BRPF1: variants seen among roughly 807,000 people sequenced by gnomAD.
BRPF1 encodes bromodomain and PHD finger containing 1.
A neutral mutation model predicts 115.0 loss-of-function variants in BRPF1; 15 were observed. The ratio of observed to expected loss-of-function variants is 0.13; its 90% confidence interval spans 0.09 to 0.20. The LOEUF (loss-of-function observed/expected upper bound fraction) is 0.20. BRPF1 is among the 10% of genes least tolerant of loss of function. The pLI, the probability that BRPF1 is intolerant of heterozygous loss-of-function variation, is 1.00. For missense variants in BRPF1, 1,118 were observed against 1,638.3 expected, an observed-to-expected ratio of 0.68 and a Z score of 5.48; for synonymous variants, 647 against 619.8, an observed-to-expected ratio of 1.04 and a Z score of -0.65.
rs2077097534 is a variant in BRPF1 at position 9,744,949 on chromosome 3, A to G, written c.2921-59A>G. The G allele has an allele frequency of 1.9e-6, 3 of 1,608,810 alleles. No homozygotes were observed. The African/African-American group carries it at 4.0e-5, about 21-fold the overall frequency. On this transcript the variant is annotated intron_variant, in intron 9 of 13. Coordinates refer to ENST00000383829, the MANE Select transcript of BRPF1 (RefSeq NM_001003694.2). Reference sequence around the variant, plus strand: ...TCCAAGTCCCTCTTACCTCCATGTCATCTCTGATCTACATCTTCCTGACCG... The same window carrying G: ...TCCAAGTCCCTCTTACCTCCATGTCGTCTCTGATCTACATCTTCCTGACCG...
At position 9,745,138 on chromosome 3, in the gene BRPF1, T is replaced by C. The variant is rs2125513547; in HGVS notation, c.3051T>C (p.Ala1017=). 1.2e-6 allele frequency: 2 copies of C among 1,614,196 alleles called. No homozygotes were observed. The highest frequency in any genetic ancestry group is 1.7e-6 in the Non-Finnish European group (2 of 1,180,028). ...SESSSSSSSS[A]ASDRTSTTPS... is the part of the protein sequence containing the mutation. Reference sequence around the variant, plus strand: ...CCAGCAGCAGTAGCAGTAGCAGCGCTGCTTCAGACCGGACCAGGTACCAGC... The same window carrying C: ...CCAGCAGCAGTAGCAGTAGCAGCGCCGCTTCAGACCGGACCAGGTACCAGC... Residue 1017 remains alanine, a synonymous_variant, in exon 10 of 14, where the codon GCT becomes GCC. Coordinates refer to ENST00000383829, the MANE Select transcript of BRPF1 (RefSeq NM_001003694.2). This position sits in a 1 kb window ranked among gnomAD's most constrained non-coding sequence, Gnocchi z 5.1.
Position 9,743,750 on chromosome 3 carries a change from G to A in BRPF1, c.2484G>A (p.Lys828=), listed in dbSNP as rs1407364371. 1 of 1,614,188 alleles carries A rather than the reference G, an allele frequency of 6.2e-7. No homozygotes were observed. Among genetic ancestry groups the A allele is most frequent in the Admixed American group, 1.7e-5 (1 of 60,034 alleles). Residue 828 remains lysine (K), a synonymous_variant, in exon 8 of 14, where the codon AAG becomes AAA. Coordinates refer to ENST00000383829, the MANE Select transcript of BRPF1 (RefSeq NM_001003694.2). The surrounding 1 kb of genome is among the most constrained non-coding windows in gnomAD (Gnocchi z 6.1). ...AAGAGATGACGGCACTGCGGCGGAA[G>A]CTTGCCCATCAGCGAGAGACGGGAC... is the stretch of plus-strand genomic sequence containing the variant. ...IKKEMTALRR[K]LAHQRETGRD... is the part of the protein sequence containing the mutation.
chr3:9,734,530 TG>T lies in BRPF1; in HGVS notation c.391del (p.Glu131ArgfsTer83). The T allele has an allele frequency of 6.2e-7, 1 of 1,614,080 alleles. No homozygotes were observed. The highest frequency in any genetic ancestry group is 8.5e-7 in the Non-Finnish European group (1 of 1,180,020). Reference protein sequence around the residue: ...EDEEAPEEAPENGSNKENTET... With the variant: ...EDEEAPEEAPXNGSNKENTET... Reference sequence around the variant, plus strand: ...ATGAGGAAGCCCCCGAGGAGGCCCCTGAGAATGGCAGCAACAAGGAGAACAC... The same window carrying T: ...ATGAGGAAGCCCCCGAGGAGGCCCCTAGAATGGCAGCAACAAGGAGAACAC... On this transcript the variant is annotated frameshift_variant, in exon 2 of 14. Transcript: ENST00000383829. LOFTEE classifies it high-confidence loss of function. The surrounding 1 kb of genome is among the most constrained non-coding windows in gnomAD (Gnocchi z 5.7).
intron 1 of BRPF1, chr3:9,732,701 GAGTTGC>G (rs898829321): frequency 3.3e-5 from 5 of 152,386 alleles, no homozygotes; most frequent in African/African-American, 9.6e-5. Flanking sequence ...GGAAATAGAA[GAGTTGC>G]AGTTGGACGT....
chr3:9,732,537 G>C (rs1575143447), intron 1 of BRPF1: 1 of 152,210 alleles, frequency 6.6e-6, no homozygotes, highest in South Asian at 2.1e-4. Flanking sequence ...CTAAGTTCTC[G>C]TCTCCCTCGC....
At position 9,739,500 on chromosome 3, in the gene BRPF1, C is replaced by G. The variant is rs1346558363; in HGVS notation, c.1101C>G (p.Phe367Leu). 6.2e-7 allele frequency: 1 copy of G among 1,613,828 alleles called. No homozygotes were observed. The highest frequency in any genetic ancestry group is 8.5e-7 in the Non-Finnish European group (1 of 1,179,760). Residue 367 changes from phenylalanine (F) to leucine (L), a missense_variant, in exon 3 of 14, where the codon TTC (phenylalanine) becomes TTG (leucine). Transcript: ENST00000383829. ...IPEVCFANTV[F>L]LEPIDSIEHI... ...AGGTCTGCTTCGCCAACACGGTCTT[C>G]CTAGAGCCTATTGACAGCATTGAGC...
At chr3:9,740,756 A>C in intron 3 of BRPF1, 23 bp from the exon 4 acceptor site, 1 of 1,611,428 alleles carries the variant, frequency 6.2e-7, no homozygotes, top group Non-Finnish European at 8.5e-7. Context: ...AACAAGTTTT[A>C]CTCTTTGTTT....
rs770950731 is a variant in BRPF1 at position 9,743,579 on chromosome 3, A to G, written c.2313A>G (p.Ala771=). Residue 771 remains alanine, a splice_region_variant and synonymous_variant, in exon 8 of 14, where the codon GCA becomes GCG. Coordinates refer to ENST00000383829, the MANE Select transcript of BRPF1 (RefSeq NM_001003694.2). The surrounding 1 kb of genome is among the most constrained non-coding windows in gnomAD (Gnocchi z 6.1). ...GDEATHHTED[A]AEEERLVLLE... ...TTTCCCCTCCAACCCTACCCCTAGC[A>G]GCCGAGGAAGAGCGGCTGGTCTTGC... is the stretch of plus-strand genomic sequence containing the variant. The G allele has an allele frequency of 5.0e-6, 8 of 1,611,412 alleles. No homozygotes were observed. The Admixed American group carries it at 1.2e-4, about 24-fold the overall frequency.
chr3:9,739,323 C>T lies in BRPF1; in HGVS notation c.924C>T (p.Pro308=), dbSNP rs528579713. ...LAVHQECYGV[P]YIPEGQWLCR... ...TGCACCAGGAGTGCTACGGTGTCCC[C>T]TATATCCCTGAGGGCCAGTGGCTGT... The change falls in exon 3 of 14, where the codon CCC becomes CCT. Residue 308 remains proline, a synonymous_variant. Transcript: ENST00000383829. 7.9e-5 allele frequency: 128 copies of T among 1,614,216 alleles called. 1 individual carries two copies. In the South Asian group the frequency reaches 1.3e-3, roughly 16 times the overall value.
chr3:9,747,482 G>A lies in BRPF1; in HGVS notation c.*133G>A. 2 of 1,123,782 alleles carry A rather than the reference G, an allele frequency of 1.8e-6. No homozygotes were observed. The highest frequency in any genetic ancestry group is 1.5e-5 in the South Asian group (1 of 67,404). The allele number at this position is 1,123,782 out of a possible 1,614,324, so 69.6% of individuals were successfully genotyped here. A position where few individuals can be genotyped will look rare whatever the true frequency, so the allele number is the denominator to read the frequency against. ...GGGCCAGTCTCAGGGGAAGCTGGGT[G>A]GGGGAGGTCCCTCCTGCCCTAAGTG... On this transcript the variant is annotated 3_prime_UTR_variant, in exon 14 of 14. Transcript: ENST00000383829. The surrounding 1 kb of genome is among the most constrained non-coding windows in gnomAD (Gnocchi z 5.6).
chr3:9,740,743 C>G, intron 3 of BRPF1, 36 bp from the exon 4 acceptor site: 1 of 1,608,410 alleles, frequency 6.2e-7, no homozygotes, highest in Non-Finnish European at 8.5e-7. Context: ...AGAATCAGGG[C>G]CCAACAAGTT....
In BRPF1 at chr3:9,733,661, T is replaced by C. The variant is rs1344115457; in HGVS notation, c.-10-470T>C. Among the ~76,000 whole-genome samples the C allele has an allele frequency of 2.0e-5, 3 of 152,332 alleles. No individual in the cohort carries two copies. In the East Asian group the frequency reaches 5.8e-4, roughly 29 times the overall value. The stretch of plus-strand genomic sequence containing the variant: ...AGGGCATTCCAAATAGGGATCATTT[T>C]GCAGGAATGAGAGGTTATAACATTC... On this transcript the variant is annotated intron_variant, in intron 1 of 13. Transcript: ENST00000383829.
chr3:9,737,761 G>T (rs1181543128), intron 2 of BRPF1, among the ~76,000 whole-genome samples: 6 of 152,098 alleles, frequency 3.9e-5, no homozygotes, highest in African/African-American at 1.5e-4. Context: ...TTACACCAAG[G>T]TGCTCACACT....
At chr3:9,737,117 C>A (rs1315179803) in intron 2 of BRPF1, among the ~76,000 whole-genome samples, 1 of 152,166 alleles carries the variant, frequency 6.6e-6, no homozygotes, top group Admixed American at 6.5e-5. Context: ...TTGCAGTCAC[C>A]TTGGGGAAGA....
chr3:9,744,476 A>G lies in BRPF1; in HGVS notation c.2888A>G (p.Asp963Gly), dbSNP rs2077088506. Residue 963 changes from aspartate to glycine, a missense_variant, in exon 9 of 14, where the codon GAC (aspartate) becomes GGC (glycine). Coordinates refer to ENST00000383829, the MANE Select transcript of BRPF1 (RefSeq NM_001003694.2). ...SPRPSSSSDS[D>G]SDKSTEDPPM... ...CGGCCCAGTTCGAGCTCAGACAGCG[A>G]CAGTGATAAGTCCACAGAAGACCCC... is the stretch of plus-strand genomic sequence containing the variant. 1 of 1,570,682 alleles carries G rather than the reference A, an allele frequency of 6.4e-7. No individual in the cohort carries two copies. Among genetic ancestry groups the G allele is most frequent in the African/African-American group, 1.4e-5 (1 of 73,206 alleles).
rs2076909078 is a variant in BRPF1 at position 9,734,557 on chromosome 3, T to C, written c.417T>C (p.Thr139=). 1.1e-5 allele frequency: 18 copies of C among 1,613,990 alleles called. No homozygotes were observed. Among genetic ancestry groups the C allele is most frequent in the Non-Finnish European group, 1.5e-5 (18 of 1,180,032 alleles). The change falls in exon 2 of 14, where the codon ACT becomes ACC. Residue 139 remains threonine, a synonymous_variant. Transcript: ENST00000383829. This position sits in a 1 kb window ranked among gnomAD's most constrained non-coding sequence, Gnocchi z 5.7. ...AGAATGGCAGCAACAAGGAGAACAC[T>C]GAGACACCAGCTGCTACTCCCAAGT... is the stretch of plus-strand genomic sequence containing the variant. ...APENGSNKEN[T]ETPAATPKSG...
At chr3:9,732,360 A>C (rs924453695) in intron 1 of BRPF1, 1 of 152,154 alleles carries the variant, frequency 6.6e-6, no homozygotes, top group Non-Finnish European at 1.5e-5. Context: ...CACTTGTTAC[A>C]CTTCCACAAA....
chr3:9,734,748 A>G lies in BRPF1; in HGVS notation c.599+9A>G, dbSNP rs2076912100. The G allele has an allele frequency of 2.5e-6, 4 of 1,612,944 alleles. No individual in the cohort carries two copies. The highest frequency in any genetic ancestry group is 3.4e-6 in the Non-Finnish European group (4 of 1,179,110). On this transcript the variant is annotated intron_variant, in intron 2 of 13. Transcript: ENST00000383829. This position sits in a 1 kb window ranked among gnomAD's most constrained non-coding sequence, Gnocchi z 5.7. ...CCAACTTCCTATTACCGGTAAGGCCACCTCTACCTTGCAGCTCTGGAAAAC... is the reference window on the plus strand; with the variant it reads ...CCAACTTCCTATTACCGGTAAGGCCGCCTCTACCTTGCAGCTCTGGAAAAC...
rs2077000750 is a variant in BRPF1, at chr3:9,739,848, CAAG to C, written c.1453_1455del (p.Lys485del). 1 of 1,591,650 alleles carries C rather than the reference CAAG, an allele frequency of 6.3e-7. No homozygotes were observed. The highest frequency in any genetic ancestry group is 1.3e-5 in the African/African-American group (1 of 74,492). ...GTAAGGGCTGGAGCTCAGAGAAAGT[CAAG>C]AAGGCCAAGGCCAAGTCCCGGATCA... is the stretch of plus-strand genomic sequence containing the variant. On this transcript the variant is annotated inframe_deletion, in exon 3 of 14. Coordinates refer to ENST00000383829, the MANE Select transcript of BRPF1 (RefSeq NM_001003694.2).
Sources: gnomAD v4.1 joint callset for allele counts (sites outside exome capture counted in the v4.1 genomes callset) on GRCh38, gnomAD v4.1.1 for gene constraint, Gnocchi (gnomAD v3.1) non-coding constraint, MANE v1.5 for transcripts, NCBI Gene and HGNC (gene_info 2026-07-23, HGNC 2026-07-21) for gene names.